Variants in AHR observed in about 807,000 individuals in gnomAD.
The protein encoded by AHR is aryl hydrocarbon receptor, also known as AH-receptor.
A neutral mutation model predicts 86.8 loss-of-function variants in AHR; 40 were observed. That is an observed-to-expected ratio of 0.46 (90% CI 0.36 to 0.60). AHR has a LOEUF of 0.60. Ranked by LOEUF, AHR falls within the 20% of genes least tolerant of loss-of-function variation. The probability of loss-of-function intolerance (pLI) is 0.00; values close to 1 mark genes in which losing one functional copy is unlikely to be tolerated. For missense variants in AHR, 1,001 were observed against 1,011.6 expected, an observed-to-expected ratio of 0.99 and a Z score of 0.14; for synonymous variants, 398 against 354.9, an observed-to-expected ratio of 1.12 and a Z score of -1.37.
intron 1 of AHR, 133 bp downstream of exon 1, chr7:17,299,462 C>G: frequency 1.9e-6 from 2 of 1,053,944 alleles, no homozygotes; most frequent in Non-Finnish European, 2.7e-6. Context: ...CCCGTGGAAT[C>G]GAGGTTTGGA....
At chr7:17,321,732 A>T (rs1453444068) in intron 2 of AHR, among the ~76,000 whole-genome samples, 1 of 151,990 alleles carries the variant, frequency 6.6e-6, no homozygotes, top group Non-Finnish European at 1.5e-5. Flanking sequence ...GTTAAAAGCT[A>T]TACCGGAAAA....
Position 17,339,439 on chromosome 7 carries a change from C to T in AHR, c.1614C>T (p.Asp538=). The T allele has an allele frequency of 5.0e-6, 8 of 1,614,142 alleles. No homozygotes were observed. The highest frequency in any genetic ancestry group is 6.8e-6 in the Non-Finnish European group (8 of 1,180,014). Residue 538 remains aspartate (D), a synonymous_variant, in exon 10 of 11, where the codon GAC becomes GAT. Transcript: ENST00000242057. ...PGLFQDSKNS[D]LYSIMKNLGI... ...TCTTTCAAGATAGTAAAAACAGTGA[C>T]TTGTACAGCATAATGAAAAACCTAG...
intron 1 of AHR, among the ~76,000 whole-genome samples, chr7:17,303,138 A>C (rs1435317664): frequency 1.3e-5 from 2 of 152,098 alleles, no homozygotes; most frequent in Non-Finnish European, 2.9e-5. Flanking sequence ...AATATGACAA[A>C]AGATGACTGT....
intron 1 of AHR, among the ~76,000 whole-genome samples, chr7:17,306,983 A>G (rs1782012346): frequency 6.6e-6 from 1 of 152,214 alleles, no homozygotes; most frequent in Non-Finnish European, 1.5e-5. Context: ...GCAAACAAGT[A>G]TAAGCAATTA....
intron 8 of AHR, 108 bp downstream of exon 8, chr7:17,335,104 A>G: frequency 1.5e-6 from 1 of 684,966 alleles, no homozygotes. Context: ...ATATGGATAA[A>G]CTTCTACTTA....
chr7:17,327,637 T>A (rs566939619), intron 3 of AHR, 122 bp from the exon 4 acceptor site: 1 of 419,644 alleles, frequency 2.4e-6, no homozygotes, highest in African/African-American at 2.0e-5. Flanking sequence ...TGGCTGTGTT[T>A]GTGAAATGTG....
chr7:17,299,303 C>G lies in AHR; in HGVS notation c.39C>G (p.Arg13=), dbSNP rs982938377. 5.0e-6 allele frequency: 8 copies of G among 1,612,148 alleles called. No homozygotes were observed. Among genetic ancestry groups the G allele is most frequent in the Non-Finnish European group, 5.1e-6 (6 of 1,179,704 alleles). Residue 13 remains arginine (R), a synonymous_variant, in exon 1 of 11, where the codon CGC becomes CGG. Coordinates refer to ENST00000242057, the MANE Select transcript of AHR (RefSeq NM_001621.5). ...SSSANITYAS[R]KRRKPVQKTV... is the part of the protein sequence containing the mutation. Reference sequence around the variant, plus strand: ...GCGCCAACATCACCTACGCCAGTCGCAAGCGGCGGAAGCCGGTGCAGAAAA... The same window carrying G: ...GCGCCAACATCACCTACGCCAGTCGGAAGCGGCGGAAGCCGGTGCAGAAAA...
At position 17,339,614 on chromosome 7, in the gene AHR, T is replaced by G; in HGVS notation, c.1789T>G (p.Ser597Ala). 1.2e-5 allele frequency: 20 copies of G among 1,614,110 alleles called. No individual in the cohort carries two copies. The highest frequency in any genetic ancestry group is 1.7e-5 in the Non-Finnish European group (20 of 1,180,038). Residue 597 changes from serine to alanine, a missense_variant, in exon 10 of 11, where the codon TCA (serine) becomes GCA (alanine). Physicochemically the swap from Ser to Ala is moderately conservative, Grantham distance 99. Around this residue, in one of 2 missense-constraint regions of AHR, gnomAD observed 607 missense variants for 543.1 expected, o/e 1.12. Transcript: ENST00000242057. Reference sequence around the variant, plus strand: ...TTTAAGTAAGTCTCCCTTCATACCTTCAGATTATCAACAGCAACAGTCCTT... The same window carrying G: ...TTTAAGTAAGTCTCCCTTCATACCTGCAGATTATCAACAGCAACAGTCCTT... ...DSLSKSPFIP[S>A]DYQQQQSLAL...
intron 10 of AHR, among the ~76,000 whole-genome samples, chr7:17,341,254 T>C (rs1782420579): frequency 6.6e-6 from 1 of 152,180 alleles, no homozygotes; most frequent in Non-Finnish European, 1.5e-5. Flanking sequence ...GTATATGAGC[T>C]TTTTAATAGA....
chr7:17,333,391 A>G (rs914471194), intron 6 of AHR, among the ~76,000 whole-genome samples: 4 of 151,842 alleles, frequency 2.6e-5, no homozygotes, highest in African/African-American at 4.8e-5. Flanking sequence ...AATTTCTTCC[A>G]TATCTTTACT....
At position 17,340,161 on chromosome 7, in the gene AHR, A is replaced by T; in HGVS notation, c.2336A>T (p.Gln779Leu). Residue 779 changes from glutamine (Q) to leucine (L), a missense_variant, in exon 10 of 11, where the codon CAG becomes CTG. Coordinates refer to ENST00000242057, the MANE Select transcript of AHR (RefSeq NM_001621.5). ...ATGTATCAGTGCCAGCCAGAACCTC[A>T]GCACACCCACGTGGGTCAGATGCAG... ...VSMYQCQPEPQHTHVGQMQYN... is the reference protein window; with the variant it reads ...VSMYQCQPEPLHTHVGQMQYN... 2.5e-6 allele frequency: 4 copies of T among 1,614,234 alleles called. No individual in the cohort carries two copies. Among genetic ancestry groups the T allele is most frequent in the Non-Finnish European group, 3.4e-6 (4 of 1,180,038 alleles).
intron 4 of AHR, chr7:17,329,741 A>G (rs1304183391): frequency 5.7e-6 from 2 of 348,664 alleles, no homozygotes; most frequent in African/African-American, 4.2e-5. Context: ...ACTGATGACA[A>G]GTAACTTTTG....
intron 4 of AHR, among the ~76,000 whole-genome samples, chr7:17,328,154 T>C (rs531619710): frequency 4.6e-5 from 7 of 151,970 alleles, no homozygotes; most frequent in Admixed American, 2.0e-4. Flanking sequence ...AAATAACTTA[T>C]GGATAGCAGA....
chr7:17,309,995 G>A lies in AHR; in HGVS notation c.125G>A (p.Arg42Gln). 1.9e-6 allele frequency: 3 copies of A among 1,612,928 alleles called. No individual in the cohort carries two copies. Among genetic ancestry groups the A allele is most frequent in the African/African-American group, 1.3e-5 (1 of 74,996 alleles). ...AATCCTTCCAAGCGGCATAGAGACC[G>A]ACTTAATACAGAGTTGGACCGTTTG... ...KSNPSKRHRD[R>Q]LNTELDRLAS... is the part of the protein sequence containing the mutation. Residue 42 changes from arginine to glutamine, a missense_variant, in exon 2 of 11, where the codon CGA (arginine) becomes CAA (glutamine). Physicochemically the swap from Arg to Gln is conservative, Grantham distance 43. Around this residue, in one of 2 missense-constraint regions of AHR, gnomAD observed 394 missense variants for 468.5 expected, o/e 0.84. Transcript: ENST00000242057.
At chr7:17,307,704 TAGAA>T (rs537749120) in intron 1 of AHR, among the ~76,000 whole-genome samples, 172 of 152,272 alleles carry the variant, frequency 1.1e-3, no homozygotes, top group Admixed American at 7.1e-3. Context: ...ATTTATGTTT[TAGAA>T]AGAAGTTCCT....
intron 10 of AHR, among the ~76,000 whole-genome samples, chr7:17,340,482 T>C (rs1035694820): frequency 6.6e-6 from 1 of 152,160 alleles, no homozygotes; most frequent in African/African-American, 2.4e-5. Flanking sequence ...GAATGTGTCC[T>C]TAATATAAGA....
At chr7:17,317,606 C>T (rs1782129305) in intron 2 of AHR, among the ~76,000 whole-genome samples, 1 of 152,094 alleles carries the variant, frequency 6.6e-6, no homozygotes, top group Admixed American at 6.6e-5. Context: ...TTCTAAGTCT[C>T]TGTTTCTCAA....
Position 17,324,700 on chromosome 7 carries a change from G to A in AHR, c.360+2093G>A, listed in dbSNP as rs139858921. Reference sequence around the variant, plus strand: ...GCCTGTAATCCTAGATACCCAGGAGGCTGAGGCCCGAGAATCGCTTGAAGC... The same window carrying A: ...GCCTGTAATCCTAGATACCCAGGAGACTGAGGCCCGAGAATCGCTTGAAGC... On this transcript the variant is annotated intron_variant, in intron 3 of 10. Coordinates refer to ENST00000242057, the MANE Select transcript of AHR (RefSeq NM_001621.5). 6.6e-5 allele frequency among the ~76,000 whole-genome samples: 10 copies of A among 151,890 alleles called. No individual in the cohort carries two copies. In the East Asian group the frequency reaches 1.9e-3, roughly 29 times the overall value.
At chr7:17,318,932 A>T (rs1437850988) in intron 2 of AHR, among the ~76,000 whole-genome samples, 2 of 152,126 alleles carry the variant, frequency 1.3e-5, no homozygotes, top group Non-Finnish European at 2.9e-5. Flanking sequence ...GTGGATCATC[A>T]TACAGGTCTT....
Sources: allele counts gnomAD v4.1 joint callset (sites outside exome capture counted in the v4.1 genomes callset), GRCh38; gene constraint gnomAD v4.1.1; regional missense constraint gnomAD v4.1.1; transcripts MANE v1.5; gene names NCBI Gene and HGNC (gene_info 2026-07-23, HGNC 2026-07-21).